RTL4: variants seen among roughly 807,000 people sequenced by gnomAD.
The protein encoded by RTL4 is retrotransposon Gag-like protein 4.
RTL4 carries 4 observed loss-of-function variants against 5.3 expected under a neutral mutation model. The ratio of observed to expected loss-of-function variants is 0.75; its 90% confidence interval spans 0.37 to 1.72. The LOEUF is 1.72. Ranked by LOEUF, RTL4 falls within the 40% of genes most tolerant of loss-of-function variation. RTL4 has a pLI of 0.04. For synonymous variants in RTL4, 98 were observed against 87.3 expected, an observed-to-expected ratio of 1.12 and a Z score of -0.68; for missense variants, 260 against 227.1, an observed-to-expected ratio of 1.14 and a Z score of -0.93.
the RTL4 span, among the ~76,000 whole-genome samples, chrX:112,350,678 C>T: frequency 2.1e-4 from 23 of 111,038 alleles, no homozygotes; most frequent in South Asian, 1.1e-3. Flanking sequence ...TATTCTCTGA[C>T]GGTAGTTTGT....
chrX:112,356,925 C>T, the RTL4 span, among the ~76,000 whole-genome samples: 1 of 111,494 alleles, frequency 9.0e-6, no homozygotes, highest in Admixed American at 9.6e-5. Flanking sequence ...AAAACTGAAG[C>T]TTTGGCTAGT....
the RTL4 span, among the ~76,000 whole-genome samples, chrX:112,185,763 G>C: frequency 9.1e-6 from 1 of 109,577 alleles, no homozygotes; most frequent in African/African-American, 3.3e-5. Context: ...CTGTGTCTTA[G>C]TATAATCTTT....
chrX:112,299,016 T>A, the RTL4 span, among the ~76,000 whole-genome samples: 1,661 of 112,550 alleles, frequency 0.015, 25 homozygotes, highest in African/African-American at 0.05. Flanking sequence ...TTTTGCAGGC[T>A]GTTCTTGCCA....
chrX:112,275,631 C>T, the RTL4 span, among the ~76,000 whole-genome samples: 5 of 111,230 alleles, frequency 4.5e-5, no homozygotes, highest in East Asian at 1.4e-3. Context: ...TGAAATAAAC[C>T]AGTGTTAAAA....
chrX:112,405,153 T>A, the RTL4 span, among the ~76,000 whole-genome samples: 1 of 111,365 alleles, frequency 9.0e-6, no homozygotes, highest in East Asian at 2.8e-4. Flanking sequence ...TTAAACAGTT[T>A]CTCAGTAACT....
the RTL4 span, among the ~76,000 whole-genome samples, chrX:112,100,119 TAAC>T: frequency 9.0e-6 from 1 of 111,559 alleles, no homozygotes; most frequent in South Asian, 3.7e-4. Flanking sequence ...AAGAAAATAA[TAAC>T]ATCTTGAAAC....
At chrX:112,225,341 A>G in the RTL4 span, among the ~76,000 whole-genome samples, 1 of 111,894 alleles carries the variant, frequency 8.9e-6, no homozygotes, top group South Asian at 3.7e-4. Flanking sequence ...GCTGGGTGAA[A>G]TGGCCCTGCC....
chrX:112,203,266 G>T, the RTL4 span, among the ~76,000 whole-genome samples: 20 of 111,669 alleles, frequency 1.8e-4, no homozygotes, highest in African/African-American at 5.5e-4. Context: ...ATGGAGTCCA[G>T]TTTATCACAT....
chrX:112,319,579 T>G, the RTL4 span, among the ~76,000 whole-genome samples: 1 of 111,877 alleles, frequency 8.9e-6, no homozygotes, highest in Non-Finnish European at 1.9e-5. Context: ...CCCAGATAAC[T>G]GCCACCGTAA....
chrX:112,347,019 C>A, the RTL4 span, among the ~76,000 whole-genome samples: 4 of 111,856 alleles, frequency 3.6e-5, no homozygotes, highest in Non-Finnish European at 7.5e-5. Context: ...GTGAACTACA[C>A]TCTGGAAAAG....
the RTL4 span, among the ~76,000 whole-genome samples, chrX:112,123,199 T>G: frequency 8.9e-6 from 1 of 112,142 alleles, no homozygotes; most frequent in Non-Finnish European, 1.9e-5. Flanking sequence ...GCCAATAATG[T>G]TTTTGTAGCC....
At chrX:112,293,173 C>T in the RTL4 span, among the ~76,000 whole-genome samples, 1 of 112,314 alleles carries the variant, frequency 8.9e-6, no homozygotes, top group Non-Finnish European at 1.9e-5. Context: ...GGCAAAATGA[C>T]TGAAGAGATA....
the RTL4 span, among the ~76,000 whole-genome samples, chrX:112,255,653 C>T: frequency 2.5e-4 from 28 of 111,803 alleles, no homozygotes; most frequent in African/African-American, 9.1e-4. Flanking sequence ...CCCAAACTTG[C>T]TTCCCTTAAC....
the RTL4 span, among the ~76,000 whole-genome samples, chrX:112,226,082 C>T: frequency 1.8e-5 from 2 of 111,900 alleles, no homozygotes; most frequent in East Asian, 2.8e-4. Context: ...CCTGGATGGG[C>T]GAATGTGAGA....
the RTL4 span, among the ~76,000 whole-genome samples, chrX:112,195,223 A>ACTAT: frequency 1.8e-5 from 2 of 111,837 alleles, no homozygotes; most frequent in African/African-American, 6.5e-5. Flanking sequence ...TGACATGGTG[A>ACTAT]CTATCATATT....
the RTL4 span, among the ~76,000 whole-genome samples, chrX:112,148,785 G>C: frequency 9.8e-5 from 11 of 112,128 alleles, no homozygotes; most frequent in Admixed American, 3.8e-4. Context: ...AAGTTAGTGT[G>C]AGAATTTTGC....
At chrX:112,213,290 C>T in the RTL4 span, among the ~76,000 whole-genome samples, 2 of 112,627 alleles carry the variant, frequency 1.8e-5, no homozygotes, top group East Asian at 5.6e-4. Flanking sequence ...AAAATAAGGC[C>T]AATAACATTT....
the RTL4 span, among the ~76,000 whole-genome samples, chrX:112,136,625 C>T: frequency 8.9e-6 from 1 of 111,861 alleles, no homozygotes; most frequent in Non-Finnish European, 1.9e-5. Context: ...AAGTGATCTA[C>T]AGATTAAATG....
the RTL4 span, among the ~76,000 whole-genome samples, chrX:112,119,795 G>T: frequency 9.0e-6 from 1 of 111,442 alleles, no homozygotes; most frequent in Non-Finnish European, 1.9e-5. Flanking sequence ...AAGGATTGTA[G>T]AAAAAACTTG....
Sources: gnomAD v4.1 joint callset for allele counts (sites outside exome capture counted in the v4.1 genomes callset) on GRCh38, gnomAD v4.1.1 for gene constraint, MANE v1.5 for transcripts, NCBI Gene and HGNC (gene_info 2026-07-23, HGNC 2026-07-21) for gene names.